The following ARID4B variants were observed in gnomAD, a reference collection of about 807,000 sequenced individuals.
ARID4B encodes the protein AT-rich interactive domain-containing protein 4B.
ARID4B carries 26 observed loss-of-function variants against 147.5 expected under a neutral mutation model. The ratio of observed to expected loss-of-function variants is 0.18; its 90% CI spans 0.13 to 0.24. ARID4B has a LOEUF of 0.24. Among genes scored for constraint, ARID4B ranks in the 10% least tolerant of loss-of-function variants. The pLI is 1.00. For synonymous variants in ARID4B, 512 were observed against 507.9 expected, an observed-to-expected ratio of 1.01 and a Z score of -0.11; for missense variants, 1,179 against 1,511.5, an observed-to-expected ratio of 0.78 and a Z score of 3.65.
At chr1:235,213,421 G>A (rs1392436494) in intron 17 of ARID4B, among the ~76,000 whole-genome samples, 1 of 152,188 alleles carries the variant, frequency 6.6e-6, no homozygotes, top group Non-Finnish European at 1.5e-5. Context: ...GGTTACTGTG[G>A]CAATGTAGTT....
intron 2 of ARID4B, among the ~76,000 whole-genome samples, chr1:235,303,730 A>G (rs1331722098): frequency 6.6e-6 from 1 of 152,220 alleles, no homozygotes; most frequent in Non-Finnish European, 1.5e-5. Flanking sequence ...CCCTGTCTAA[A>G]ATACAATAAA....
At chr1:235,175,074 T>A (rs1404761081) in intron 22 of ARID4B, 110 bp downstream of exon 22, 1 of 989,970 alleles carries the variant, frequency 1.0e-6, no homozygotes, top group Non-Finnish European at 1.5e-6. Flanking sequence ...ACCACCGCAC[T>A]CCAGCCTGGT....
intron 3 of ARID4B, among the ~76,000 whole-genome samples, chr1:235,259,319 T>C (rs763710047): frequency 5.9e-5 from 9 of 152,232 alleles, no homozygotes; most frequent in Middle Eastern, 3.2e-3. Context: ...CTTTGCTTTG[T>C]GGGCCAAAGC....
intron 19 of ARID4B, among the ~76,000 whole-genome samples, chr1:235,192,081 A>G (rs1665150187): frequency 6.6e-6 from 1 of 152,200 alleles, no homozygotes; most frequent in African/African-American, 2.4e-5. Flanking sequence ...AAAAACAAAA[A>G]CAAAACAAAA....
rs560789947 is a variant in ARID4B, at chr1:235,319,476, A to C, written c.6+7438T>G. On this transcript the variant is annotated intron_variant, in intron 2 of 23. Transcript: ENST00000264183. Reference sequence around the variant, plus strand: ...CAGTGAGCTGTGATTGCGCCACTACACTCCTGCCTGGGCAACAGACTGTGG... The same window carrying C: ...CAGTGAGCTGTGATTGCGCCACTACCCTCCTGCCTGGGCAACAGACTGTGG... 5.9e-5 allele frequency among the ~76,000 whole-genome samples: 9 copies of C among 152,262 alleles called. No individual in the cohort carries two copies. In the East Asian group the frequency reaches 1.7e-3, roughly 29 times the overall value.
chr1:235,301,063 T>TA lies in ARID4B; in HGVS notation c.6+25850dup, dbSNP rs1162927764. ...CTTTTTTTTTTTTTTTTTTTTTTTT[T>TA]AGTATACAGACAGGGTCTCACTATG... is the stretch of plus-strand genomic sequence containing the variant. On this transcript the variant is annotated intron_variant, in intron 2 of 23. Transcript: ENST00000264183. Among the ~76,000 whole-genome samples the TA allele has an allele frequency of 5.9e-3, 730 of 124,236 alleles. 38 individuals are homozygous for TA. Among genetic ancestry groups the TA allele is most frequent in the Middle Eastern group, 0.013 (3 of 226 alleles). 81.5% of individuals were successfully genotyped at this position (124,236 alleles called of 152,430 possible).
At chr1:235,225,078 T>G (rs554378558) in intron 11 of ARID4B, among the ~76,000 whole-genome samples, 114 of 148,704 alleles carry the variant, frequency 7.7e-4, no homozygotes, top group African/African-American at 1.7e-3. Flanking sequence ...GTTTTGTTTT[T>G]TTTACCATAT....
At chr1:235,240,149 T>G (rs1668891686) in intron 8 of ARID4B, among the ~76,000 whole-genome samples, 164 bp downstream of exon 8, 1 of 152,108 alleles carries the variant, frequency 6.6e-6, no homozygotes, top group Non-Finnish European at 1.5e-5. Context: ...ACATCAAGAG[T>G]TCTTTGTATT....
chr1:235,220,815 G>A (rs1667414182), intron 14 of ARID4B, among the ~76,000 whole-genome samples: 1 of 152,086 alleles, frequency 6.6e-6, no homozygotes, highest in Admixed American at 6.5e-5. Context: ...TTTCTTATGT[G>A]TGAGGCTGGA....
chr1:235,187,422 AAC>A (rs1437994084), intron 19 of ARID4B, among the ~76,000 whole-genome samples: 12 of 152,214 alleles, frequency 7.9e-5, no homozygotes, highest in African/African-American at 2.9e-4. Flanking sequence ...CTCTGAGATT[AAC>A]AAGAGATGAT....
chr1:235,221,151 G>A (rs1483042421), intron 14 of ARID4B, among the ~76,000 whole-genome samples: 1 of 152,194 alleles, frequency 6.6e-6, no homozygotes, highest in South Asian at 2.1e-4. Flanking sequence ...GCCCGCCTCG[G>A]CCTCCCAAAG....
At chr1:235,186,257 G>A (rs997848633) in intron 19 of ARID4B, among the ~76,000 whole-genome samples, 2 of 152,128 alleles carry the variant, frequency 1.3e-5, no homozygotes, top group African/African-American at 2.4e-5. Flanking sequence ...GTGAGCCACC[G>A]CGCCTGGCCT....
intron 2 of ARID4B, among the ~76,000 whole-genome samples, chr1:235,286,757 A>T (rs1023488959): frequency 6.6e-6 from 1 of 152,224 alleles, no homozygotes; most frequent in African/African-American, 2.4e-5. Flanking sequence ...CAAGAGTTAC[A>T]TTATCTGATG....
At chr1:235,281,357 C>T (rs1471393796) in intron 2 of ARID4B, among the ~76,000 whole-genome samples, 2 of 152,130 alleles carry the variant, frequency 1.3e-5, no homozygotes, top group African/African-American at 4.8e-5. Context: ...TCAAGACTAG[C>T]CTGGCCAACG....
chr1:235,206,320 G>C (rs1666305439), intron 17 of ARID4B, among the ~76,000 whole-genome samples: 1 of 152,160 alleles, frequency 6.6e-6, no homozygotes, highest in South Asian at 2.1e-4. Context: ...GAAAAGGAGG[G>C]GGAGGAGAGT....
At chr1:235,185,456 T>C (rs1204841956) in intron 19 of ARID4B, among the ~76,000 whole-genome samples, 2 of 152,220 alleles carry the variant, frequency 1.3e-5, no homozygotes, top group African/African-American at 4.8e-5. Flanking sequence ...GAGAGCTATT[T>C]TCTGCAGTAG....
chr1:235,311,870 C>T lies in ARID4B; in HGVS notation c.6+15044G>A, dbSNP rs1373224257. Among the ~76,000 whole-genome samples the T allele has an allele frequency of 3.3e-5, 5 of 152,212 alleles. No individual in the cohort carries two copies. The South Asian group carries it at 6.2e-4, about 19-fold the overall frequency. On this transcript the variant is annotated intron_variant, in intron 2 of 23. Coordinates refer to ENST00000264183, the MANE Select transcript of ARID4B (RefSeq NM_016374.6). ...ACCTGCAAAACTTAAAGAAACATAC[C>T]GGTGCCCTATATAAATTATTTGGTT...
chr1:235,324,430 A>C (rs979713358), intron 2 of ARID4B, among the ~76,000 whole-genome samples: 4 of 152,238 alleles, frequency 2.6e-5, no homozygotes, highest in Admixed American at 1.3e-4. Context: ...GCTAAAACAT[A>C]CAACACTTCA....
chr1:235,283,346 A>G (rs1671782494), intron 2 of ARID4B, among the ~76,000 whole-genome samples: 1 of 152,228 alleles, frequency 6.6e-6, no homozygotes, highest in Non-Finnish European at 1.5e-5. Flanking sequence ...TGTAACCAAC[A>G]TAAACTTACC....
Sources: allele counts gnomAD v4.1 joint callset (sites outside exome capture counted in the v4.1 genomes callset), GRCh38; gene constraint gnomAD v4.1.1; transcripts MANE v1.5; gene names NCBI Gene and HGNC (gene_info 2026-07-23, HGNC 2026-07-21).